SCARB2: variants seen among roughly 807,000 people sequenced by gnomAD.
SCARB2 encodes the protein scavenger receptor class B member 2, also known as lysosome membrane protein 2.
SCARB2 carries 29 observed loss-of-function variants against 58.6 expected under a neutral mutation model. The observed-to-expected ratio is 0.49, with a 90% CI of 0.37 to 0.67. The LOEUF is 0.67. Among genes scored for constraint, SCARB2 ranks in the 30% least tolerant of loss-of-function variants. The probability of loss-of-function intolerance (pLI) is 0.00; values close to 1 mark genes in which losing one functional copy is unlikely to be tolerated. For missense variants in SCARB2, 488 were observed against 578.5 expected, an observed-to-expected ratio of 0.84 and a Z score of 1.60; for synonymous variants, 195 against 210.1, an observed-to-expected ratio of 0.93 and a Z score of 0.62.
rs554467462 is a variant in SCARB2 at position 76,169,591 on chromosome 4, T to C, written c.1113+276A>G. 1.2e-4 allele frequency among the ~76,000 whole-genome samples: 19 copies of C among 152,326 alleles called. No individual in the cohort carries two copies. In the East Asian group the frequency reaches 2.5e-3, roughly 20 times the overall value. ...GCATCAGAAGATTGACCAGGTTATA[T>C]GGGTACATCAGTAGTTTCCAATAAC... On this transcript the variant is annotated intron_variant, in intron 8 of 11. Transcript: ENST00000264896.
At chr4:76,163,102 T>G (rs554946859) in intron 11 of SCARB2, 123 bp downstream of exon 11, 11 of 1,253,026 alleles carry the variant, frequency 8.8e-6, no homozygotes, top group African/African-American at 2.9e-5. Flanking sequence ...GAAATCACTA[T>G]GCCCAGCATA....
intron 8 of SCARB2, among the ~76,000 whole-genome samples, chr4:76,169,363 A>T (rs558193498): frequency 6.9e-6 from 1 of 144,298 alleles, no homozygotes; most frequent in African/African-American, 2.7e-5. Flanking sequence ...TCCTCTATGT[A>T]TATCTGATAC....
chr4:76,200,183 T>G (rs1168388521), intron 1 of SCARB2, among the ~76,000 whole-genome samples: 1 of 152,256 alleles, frequency 6.6e-6, no homozygotes, highest in African/African-American at 2.4e-5. Flanking sequence ...CCGAGGGTTC[T>G]GCTGTGGTGA....
intron 1 of SCARB2, among the ~76,000 whole-genome samples, chr4:76,204,765 GC>G (rs1392142769): frequency 2.6e-5 from 4 of 152,144 alleles, no homozygotes; most frequent in African/African-American, 9.7e-5. Flanking sequence ...AACTTGCACA[GC>G]CAGTCTCATT....
chr4:76,203,573 A>G (rs113758514), intron 1 of SCARB2, among the ~76,000 whole-genome samples: 37 of 152,362 alleles, frequency 2.4e-4, no homozygotes, highest in African/African-American at 6.0e-4. Context: ...AAACAAAAGT[A>G]AAAGAATCTT....
chr4:76,206,222 C>T (rs1341440999), intron 1 of SCARB2, among the ~76,000 whole-genome samples: 1 of 152,108 alleles, frequency 6.6e-6, no homozygotes, highest in East Asian at 1.9e-4. Context: ...TTCCTAGCCT[C>T]CAGAACTGTA....
chr4:76,170,964 AT>A lies in SCARB2; in HGVS notation c.995-980del, dbSNP rs1431483896. On this transcript the variant is annotated intron_variant, in intron 7 of 11. Transcript: ENST00000264896. ...AATTTAAATATATATATATATATAT[AT>A]ATATATAACCAAATAGGGAAACAAG... 9.7e-3 allele frequency among the ~76,000 whole-genome samples: 1,423 copies of A among 147,380 alleles called. 23 individuals carry two copies. The highest frequency in any genetic ancestry group is 0.031 in the African/African-American group (1,271 of 41,034).
chr4:76,221,292 A>G (rs1733302922), intron 1 of SCARB2, among the ~76,000 whole-genome samples: 1 of 152,002 alleles, frequency 6.6e-6, no homozygotes, highest in East Asian at 1.9e-4. Context: ...TCTTTTCCCC[A>G]CTAAAGCCTA....
At chr4:76,217,068 TTCC>T (rs1251092633), upstream of SCARB2, among the ~76,000 whole-genome samples, 1 of 152,230 alleles carries the variant, frequency 6.6e-6, no homozygotes. Context: ...CCTTTGGGAC[TTCC>T]TCCTCATTTC....
chr4:76,220,930 A>G lies in SCARB2; in HGVS notation c.-358+13373T>C, dbSNP rs141270471. Reference sequence around the variant, plus strand: ...TCTTCATTCTCTCAGCGGAGTCAGTACACACACTCAGCTTCCCCTGGGGAT... The same window carrying G: ...TCTTCATTCTCTCAGCGGAGTCAGTGCACACACTCAGCTTCCCCTGGGGAT... On this transcript the variant is annotated intron_variant, in intron 1 of 11. Transcript: ENST00000638295. Among the ~76,000 whole-genome samples, 109 of 152,278 alleles carry G rather than the reference A, an allele frequency of 7.2e-4. 1 individual carries two copies. Among genetic ancestry groups the G allele is most frequent in the African/African-American group, 2.5e-3 (103 of 41,564 alleles).
intron 2 of SCARB2, among the ~76,000 whole-genome samples, chr4:76,185,381 T>C (rs140953697): frequency 4.4e-4 from 67 of 152,300 alleles, no homozygotes; most frequent in African/African-American, 1.6e-3. Context: ...ACAAATCAAA[T>C]TTTCAGCCTA....
chr4:76,205,318 C>T (rs1732908398), intron 1 of SCARB2, among the ~76,000 whole-genome samples: 1 of 151,268 alleles, frequency 6.6e-6, no homozygotes, highest in African/African-American at 2.4e-5. Flanking sequence ...AGAGAGAAGC[C>T]CTATCTCAAA....
chr4:76,233,937 G>A (rs1733537060), intron 1 of SCARB2, among the ~76,000 whole-genome samples: 1 of 152,192 alleles, frequency 6.6e-6, no homozygotes, highest in Admixed American at 6.5e-5. Context: ...GGGTGAAGAA[G>A]AGGAAAGAAA....
In SCARB2 at chr4:76,181,103, TAAAAG is replaced by T; in HGVS notation, c.276-7_276-3del. 1.2e-6 allele frequency: 2 copies of T among 1,613,234 alleles called. No individual in the cohort carries two copies. On this transcript the variant is annotated splice_polypyrimidine_tract_variant and splice_region_variant and intron_variant, in intron 2 of 11. Coordinates refer to ENST00000264896, the MANE Select transcript of SCARB2 (RefSeq NM_005506.4). ...ATATTTGCTTTGTTTCTGAGTTCCC[TAAAAG>T]AAAGAAAAGGGTTTTATTTGAAAAT...
chr4:76,192,160 G>A (rs374008672), intron 2 of SCARB2: 1 of 152,252 alleles, frequency 6.6e-6, no homozygotes, highest in South Asian at 2.1e-4. Context: ...GCTGGAAAAT[G>A]TGGAAGCAGC....
At position 76,195,773 on chromosome 4, in the gene SCARB2, G is replaced by C; in HGVS notation, c.209C>G (p.Thr70Ser). Residue 70 changes from threonine to serine, a missense_variant, in exon 2 of 12, where the codon ACC becomes AGC. Physicochemically the swap from Thr to Ser is moderately conservative, Grantham distance 58 (BLOSUM62 1). Coordinates refer to ENST00000264896, the MANE Select transcript of SCARB2 (RefSeq NM_005506.4). Reference protein sequence around the residue: ...VYTQFYFFNVTNPEEILRGET... With the variant: ...VYTQFYFFNVSNPEEILRGET... ...CCCTCTGAGGATCTCCTCTGGATTG[G>C]TGACATTGAAGAAATAGAACTGAGT... 1 of 1,613,936 alleles carries C rather than the reference G, an allele frequency of 6.2e-7. No individual in the cohort carries two copies. Among genetic ancestry groups the C allele is most frequent in the Non-Finnish European group, 8.5e-7 (1 of 1,179,792 alleles).
chr4:76,172,198 TTGTATATATATA>T (rs1175444618), intron 7 of SCARB2, among the ~76,000 whole-genome samples: 1 of 146,872 alleles, frequency 6.8e-6, no homozygotes, highest in Non-Finnish European at 1.5e-5. Flanking sequence ...CTTTTGTCAG[TTGTATATATATA>T]TGTATATATA....
chr4:76,169,757 T>C (rs1049814649), intron 8 of SCARB2, 110 bp downstream of exon 8: 19 of 905,074 alleles, frequency 2.1e-5, no homozygotes, highest in Non-Finnish European at 2.9e-5. Context: ...CACTTGAATA[T>C]GTATATGAAA....
rs1578715477 is a variant in SCARB2 at position 76,168,303 on chromosome 4, G to A, written c.1187+100C>T. 4.4e-6 allele frequency: 4 copies of A among 904,658 alleles called. No individual in the cohort carries two copies. The East Asian group carries it at 7.2e-5, about 16-fold the overall frequency. The allele number at this position is 904,658 out of a possible 1,614,324, so 56.0% of individuals were successfully genotyped here. ...CATCCCTGAAGGGCAGGGGTGAGCA[G>A]GCTTAGATGAAGTAGGCTGTACTCC... is the stretch of plus-strand genomic sequence containing the variant. On this transcript the variant is annotated intron_variant, in intron 9 of 11. Transcript: ENST00000264896.
Sources: gnomAD v4.1 joint callset for allele counts (sites outside exome capture counted in the v4.1 genomes callset) on GRCh38, gnomAD v4.1.1 for gene constraint, MANE v1.5 for transcripts, NCBI Gene and HGNC (gene_info 2026-07-23, HGNC 2026-07-21) for gene names.